The following HPSE2 variants were observed in gnomAD, a reference collection of about 807,000 sequenced individuals.
HPSE2 encodes the protein inactive heparanase-2.
Under a neutral mutation model 60.5 loss-of-function variants are expected in HPSE2, and 38 were observed. That is an observed-to-expected ratio of 0.63 (90% confidence interval 0.48 to 0.82). The LOEUF (loss-of-function observed/expected upper bound fraction) is 0.82. Ranked by LOEUF, HPSE2 falls within the 40% of genes least tolerant of loss-of-function variation. The probability of loss-of-function intolerance (pLI) is 0.00; values close to 1 mark genes in which losing one functional copy is unlikely to be tolerated. For synonymous variants in HPSE2, 295 were observed against 293.2 expected (o/e 1.01, Z -0.06); for missense variants, 713 against 740.4 (o/e 0.96, Z 0.43).
intron 6 of HPSE2, among the ~76,000 whole-genome samples, chr10:98,652,864 G>A (rs537437068): frequency 2.0e-5 from 3 of 152,198 alleles, no homozygotes; most frequent in African/African-American, 7.2e-5. Flanking sequence ...TTACCTACTA[G>A]ATAGCAATCT....
intron 9 of HPSE2, among the ~76,000 whole-genome samples, chr10:98,504,819 AC>A (rs1432589545): frequency 6.6e-6 from 1 of 151,598 alleles, no homozygotes; most frequent in Non-Finnish European, 1.5e-5. Context: ...CTACCGTAAT[AC>A]CCATACTGTT....
At position 99,182,868 on chromosome 10, in the gene HPSE2, C is replaced by T. The variant is rs552456167; in HGVS notation, c.449-38469G>A. 1.3e-4 allele frequency among the ~76,000 whole-genome samples: 19 copies of T among 151,928 alleles called. No homozygotes were observed. In the South Asian group the frequency reaches 3.5e-3, roughly 28 times the overall value. ...AACATTAGCCAGGTGTGGTGGCAGG[C>T]GCCTGTAGTCCCAGCTACTCGGGAG... On this transcript the variant is annotated intron_variant, in intron 2 of 11. Coordinates refer to ENST00000370552, the MANE Select transcript of HPSE2 (RefSeq NM_021828.5).
In HPSE2 at chr10:99,235,748, G is replaced by A. The variant is rs78935940; in HGVS notation, c.55C>T (p.Pro19Ser). 122 of 1,613,984 alleles carry A rather than the reference G, an allele frequency of 7.6e-5. No individual in the cohort carries two copies. The Middle Eastern group carries it at 1.5e-3, about 20-fold the overall frequency. ...AGAGCCCCCGGGGCTAGGCACGCGG[G>A]GGGGCGGGAGTTGCTGGAGGGCATG... is the stretch of plus-strand genomic sequence containing the variant. ...EAMPSSNSRPPACLAPGALYL... is the reference protein window; with the variant it reads ...EAMPSSNSRPSACLAPGALYL... Residue 19 changes from proline to serine, a missense_variant, in exon 1 of 12, where the codon CCC (proline) becomes TCC (serine). By Grantham distance (74) the Pro-to-Ser change is moderately conservative. Coordinates refer to ENST00000370552, the MANE Select transcript of HPSE2 (RefSeq NM_021828.5).
intron 9 of HPSE2, among the ~76,000 whole-genome samples, chr10:98,537,658 C>A (rs909636778): frequency 2.2e-4 from 34 of 152,162 alleles, no homozygotes; most frequent in Non-Finnish European, 4.1e-4. Flanking sequence ...CTTGAGGGCT[C>A]CTTGGTCAAG....
intron 2 of HPSE2, among the ~76,000 whole-genome samples, chr10:99,150,770 T>A (rs1389570118): frequency 6.6e-6 from 1 of 152,118 alleles, no homozygotes; most frequent in African/African-American, 2.4e-5. Context: ...CATAACTGGC[T>A]AATGGGGAGG....
rs181590831 is a variant in HPSE2, at chr10:98,593,993, A to G, written c.1320+20911T>C. Among the ~76,000 whole-genome samples the G allele has an allele frequency of 3.3e-5, 5 of 152,306 alleles. No homozygotes were observed. In the East Asian group the frequency reaches 9.6e-4, roughly 29 times the overall value. On this transcript the variant is annotated intron_variant, in intron 9 of 11. Coordinates refer to ENST00000370552, the MANE Select transcript of HPSE2 (RefSeq NM_021828.5). ...ATATCTTTCACATGTATCTCTATAA[A>G]TATCTAGTTATTGGCTCATTTTTAA...
At chr10:98,831,750 A>C (rs1274588661) in intron 3 of HPSE2, among the ~76,000 whole-genome samples, 1 of 152,192 alleles carries the variant, frequency 6.6e-6, no homozygotes, top group Admixed American at 6.5e-5. Context: ...AGACCCTAGA[A>C]GTCTACTTTT....
chr10:98,625,390 T>C (rs1439373741), intron 7 of HPSE2, among the ~76,000 whole-genome samples: 1 of 152,166 alleles, frequency 6.6e-6, no homozygotes, highest in East Asian at 1.9e-4. Flanking sequence ...AAAGGAAAAT[T>C]GTGCTTTGCT....
intron 5 of HPSE2, among the ~76,000 whole-genome samples, chr10:98,708,291 C>T (rs779386712): frequency 3.3e-5 from 5 of 151,898 alleles, no homozygotes; most frequent in Admixed American, 6.6e-5. Flanking sequence ...CCTGTCTCTA[C>T]TAAAAATACA....
intron 3 of HPSE2, among the ~76,000 whole-genome samples, chr10:98,747,416 T>A (rs1001461252): frequency 6.6e-6 from 1 of 152,216 alleles, no homozygotes; most frequent in Non-Finnish European, 1.5e-5. Flanking sequence ...ATGTTTCACA[T>A]GTATTAGAAA....
chr10:99,306,050 G>A, the HPSE2 span, among the ~76,000 whole-genome samples: 3 of 147,540 alleles, frequency 2.0e-5, no homozygotes, highest in Non-Finnish European at 3.0e-5. Context: ...CAAAGGAAGA[G>A]AGAAGAAAAA....
At chr10:98,507,963 A>G (rs908726691) in intron 9 of HPSE2, among the ~76,000 whole-genome samples, 5 of 152,230 alleles carry the variant, frequency 3.3e-5, no homozygotes, top group Non-Finnish European at 5.9e-5. Context: ...CACATCTAAC[A>G]ATAACAACAA....
chr10:98,461,867 T>C (rs759277150), intron 11 of HPSE2: 3 of 1,350,802 alleles, frequency 2.2e-6, no homozygotes, highest in East Asian at 2.4e-5. Flanking sequence ...TAAAAATCTA[T>C]ACTAATAAGG....
chr10:98,989,646 T>TAA (rs565938013), intron 3 of HPSE2, among the ~76,000 whole-genome samples: 26 of 138,582 alleles, frequency 1.9e-4, no homozygotes, highest in South Asian at 2.3e-4. Flanking sequence ...TAAAGTATAA[T>TAA]AAAAAAAAAA....
At chr10:98,782,173 TAA>T in intron 3 of HPSE2, among the ~76,000 whole-genome samples, 1 of 36,756 alleles carries the variant, frequency 2.7e-5, no homozygotes, top group South Asian at 8.4e-4. Context: ...TATGGAAGAC[TAA>T]AAAAACCCAA....
At chr10:98,500,149 TA>T (rs1941983720) in intron 9 of HPSE2, among the ~76,000 whole-genome samples, 2 of 152,178 alleles carry the variant, frequency 1.3e-5, no homozygotes, top group Non-Finnish European at 2.9e-5. Context: ...ACAATGGATT[TA>T]AACTATACCT....
intron 9 of HPSE2, among the ~76,000 whole-genome samples, chr10:98,612,649 G>A (rs1187268434): frequency 6.6e-6 from 1 of 152,132 alleles, no homozygotes; most frequent in Non-Finnish European, 1.5e-5. Context: ...AAAAAGGAAA[G>A]AAAGGAAAAA....
At chr10:99,154,310 C>A (rs1442407161) in intron 2 of HPSE2, among the ~76,000 whole-genome samples, 1 of 123,884 alleles carries the variant, frequency 8.1e-6, no homozygotes, top group Non-Finnish European at 1.8e-5. Flanking sequence ...TCAGATTCAC[C>A]AAAGTTGAAA....
At chr10:98,713,677 A>G (rs1245700575) in intron 5 of HPSE2, among the ~76,000 whole-genome samples, 3 of 152,006 alleles carry the variant, frequency 2.0e-5, no homozygotes, top group Non-Finnish European at 4.4e-5. Flanking sequence ...AAATGTGTGG[A>G]TCCCAGCATT....
Sources: gnomAD v4.1 joint callset for allele counts (sites outside exome capture counted in the v4.1 genomes callset) on GRCh38, gnomAD v4.1.1 for gene constraint, MANE v1.5 for transcripts, NCBI Gene and HGNC (gene_info 2026-07-23, HGNC 2026-07-21) for gene names.